The following GCFC2 variants were observed in gnomAD, a reference collection of about 807,000 sequenced individuals.
GCFC2 encodes intron Large complex component GCFC2.
Under a neutral mutation model 99.4 loss-of-function variants are expected in GCFC2, and 102 were observed. That is an observed-to-expected ratio of 1.03 (90% CI 0.87 to 1.21). The LOEUF (loss-of-function observed/expected upper bound fraction) is 1.21, where lower values mean the gene tolerates loss of function less well. Among genes scored for constraint, GCFC2 ranks in the 50% most tolerant of loss-of-function variants. The probability of loss-of-function intolerance (pLI) is 0.00; values close to 1 mark genes in which losing one functional copy is unlikely to be tolerated. For synonymous variants in GCFC2, 338 were observed against 316.8 expected, an observed-to-expected ratio of 1.07 and a Z score of -0.71; for missense variants, 973 against 920.9, an observed-to-expected ratio of 1.06 and a Z score of -0.73.
chr2:75,676,899 A>C lies in GCFC2; in HGVS notation c.1812+3294T>G, dbSNP rs546766416. Among the ~76,000 whole-genome samples the C allele has an allele frequency of 2.6e-5, 4 of 152,244 alleles. No homozygotes were observed. The South Asian group carries it at 8.3e-4, about 32-fold the overall frequency. ...CTTACAGAATTCCTAGCTTTTTGTC[A>C]CTGACACATTTCATTAGTATGTATT... On this transcript the variant is annotated intron_variant, in intron 12 of 16. Coordinates refer to ENST00000321027, the MANE Select transcript of GCFC2 (RefSeq NM_003203.5).
intron 11 of GCFC2, among the ~76,000 whole-genome samples, chr2:75,685,038 C>T (rs1679748678): frequency 6.6e-6 from 1 of 152,130 alleles, no homozygotes; most frequent in African/African-American, 2.4e-5. Flanking sequence ...GGGAGCGGAA[C>T]ATCACACACC....
At chr2:75,672,120 C>CCTG in intron 13 of GCFC2, 104 bp from the exon 14 acceptor site, 1 of 350,678 alleles carries the variant, frequency 2.9e-6, no homozygotes, top group Non-Finnish European at 5.5e-6. Context: ...CAAACTAAGC[C>CCTG]TTAATGGAAT....
In GCFC2 at chr2:75,664,667, C is replaced by T. The variant is rs149052101; in HGVS notation, c.2345G>A (p.Ter782=). The T allele has an allele frequency of 9.3e-6, 12 of 1,284,706 alleles. No individual in the cohort carries two copies. The African/African-American group carries it at 1.6e-4, about 17-fold the overall frequency. The allele number at this position is 1,284,706 out of a possible 1,614,324, so 79.6% of individuals were successfully genotyped here. A position where few individuals can be genotyped will look rare whatever the true frequency, so the allele number is the denominator to read the frequency against. ...TTAGCATTTTCCAATAAAGTTTATTCAATCTTCTTTAATTAGTGATTTAAG... is the reference window on the plus strand; with the variant it reads ...TTAGCATTTTCCAATAAAGTTTATTTAATCTTCTTTAATTAGTGATTTAAG... ...DHLKSLIKED[*] Residue 782 remains the stop codon, a stop_retained_variant, in exon 17 of 17, where the codon TGA becomes TAA. Transcript: ENST00000321027.
chr2:75,691,177 C>T (rs1177355124), intron 7 of GCFC2, among the ~76,000 whole-genome samples: 2 of 152,170 alleles, frequency 1.3e-5, no homozygotes, highest in African/African-American at 4.8e-5. Context: ...TCTATATACA[C>T]ACCTATGATA....
intron 11 of GCFC2, 145 bp from the exon 12 acceptor site, chr2:75,680,459 C>T: frequency 1.8e-6 from 1 of 559,822 alleles, no homozygotes; most frequent in South Asian, 2.9e-5. Context: ...TACATATTTG[C>T]ATACATCTTC....
chr2:75,687,319 G>A (rs1201956739), intron 11 of GCFC2, among the ~76,000 whole-genome samples: 1 of 152,114 alleles, frequency 6.6e-6, no homozygotes, highest in East Asian at 1.9e-4. Context: ...ATGGATGGAA[G>A]TGTGCTAAAA....
At chr2:75,687,493 G>T (rs995687903) in intron 11 of GCFC2, among the ~76,000 whole-genome samples, 1 of 152,094 alleles carries the variant, frequency 6.6e-6, no homozygotes, top group Non-Finnish European at 1.5e-5. Context: ...GCAAAGACCA[G>T]AGAGGTGGGC....
chr2:75,701,987 A>G (rs780766901), intron 3 of GCFC2: 9 of 1,329,764 alleles, frequency 6.8e-6, no homozygotes, highest in Non-Finnish European at 8.6e-6. Flanking sequence ...GAGGTCAGGC[A>G]TTAATAAACA....
At chr2:75,692,315 T>C (rs900654317) in intron 6 of GCFC2, among the ~76,000 whole-genome samples, 3 of 151,950 alleles carry the variant, frequency 2.0e-5, no homozygotes, top group African/African-American at 4.8e-5. Context: ...AATCAGAAAA[T>C]TGACTTAGTC....
At position 75,702,443 on chromosome 2, in the gene GCFC2, G is replaced by A. The variant is rs1410682366; in HGVS notation, c.395-20C>T. ...TCTTAACTGAAGGAAACAAAGACGA[G>A]GACACTAAAAACCAAAGACCAATGT... On this transcript the variant is annotated intron_variant, in intron 2 of 16. Transcript: ENST00000321027. 5 of 1,593,500 alleles carry A rather than the reference G, an allele frequency of 3.1e-6. No individual in the cohort carries two copies. The highest frequency in any genetic ancestry group is 1.1e-5 in the South Asian group (1 of 88,484).
chr2:75,689,293 C>A lies in GCFC2; in HGVS notation c.1340-68G>T. ...CTTTAAGTATGCTTCCTTAAAAACA[C>A]GGTCATGATGGACTGTAATCAATTG... On this transcript the variant is annotated intron_variant, in intron 9 of 16. Transcript: ENST00000321027. The A allele has an allele frequency of 1.6e-5, 13 of 814,504 alleles. No individual in the cohort carries two copies. The South Asian group carries it at 2.0e-4, about 13-fold the overall frequency. The allele number at this position is 814,504 out of a possible 1,614,324, so 50.5% of individuals were successfully genotyped here.
intron 11 of GCFC2, among the ~76,000 whole-genome samples, chr2:75,686,924 G>A (rs925014589): frequency 6.9e-6 from 1 of 144,244 alleles, no homozygotes; most frequent in Non-Finnish European, 1.5e-5. Flanking sequence ...GCAAATGTGA[G>A]TGAAATGAAG....
Position 75,694,440 on chromosome 2 carries a change from A to AATAAAAAT in GCFC2, c.834-21_834-14dup. ...TAGTAATGTTAATCTAAATAAATAA[A>AATAAAAAT]ATAAAAATTAGTTTATTTTTCATAC... On this transcript the variant is annotated splice_polypyrimidine_tract_variant and intron_variant, in intron 5 of 16. Coordinates refer to ENST00000321027, the MANE Select transcript of GCFC2 (RefSeq NM_003203.5). The AATAAAAAT allele has an allele frequency of 8.8e-7, 1 of 1,138,784 alleles. No homozygotes were observed. Among genetic ancestry groups the AATAAAAAT allele is most frequent in the Non-Finnish European group, 1.2e-6 (1 of 832,600 alleles). The allele number at this position is 1,138,784 out of a possible 1,614,324, so 70.5% of individuals were successfully genotyped here. A position where few individuals can be genotyped will look rare whatever the true frequency, so the allele number is the denominator to read the frequency against.
intron 1 of GCFC2, among the ~76,000 whole-genome samples, chr2:75,708,558 C>A (rs1267679576): frequency 2.4e-5 from 3 of 125,986 alleles, no homozygotes; most frequent in African/African-American, 3.0e-5. Context: ...GTCACCCAGG[C>A]TAGAGTGTAG....
Position 75,670,035 on chromosome 2 carries a change from T to C in GCFC2, c.2103+103A>G. ...CCACTGTGCCTGGCCCATTTGTCTA[T>C]ATATGAGTACCACACATTTAATTAT... On this transcript the variant is annotated intron_variant, in intron 15 of 16. Coordinates refer to ENST00000321027, the MANE Select transcript of GCFC2 (RefSeq NM_003203.5). The C allele has an allele frequency of 4.1e-6, 3 of 729,794 alleles. 1 individual carries two copies. Among genetic ancestry groups the C allele is most frequent in the Admixed American group, 4.9e-5 (2 of 40,740 alleles). 45.2% of individuals were successfully genotyped at this position (729,794 alleles called of 1,614,324 possible). A position where few individuals can be genotyped will look rare whatever the true frequency, so the allele number is the denominator to read the frequency against.
At position 75,701,173 on chromosome 2, in the gene GCFC2, G is replaced by A. The variant is rs553867960; in HGVS notation, c.717+17C>T. ...CAGCCACAGGAATCTAATACACATG[G>A]GATAAAAAATGATTACCTCTATGAT... On this transcript the variant is annotated intron_variant, in intron 4 of 16. Transcript: ENST00000321027. 69 of 1,273,964 alleles carry A rather than the reference G, an allele frequency of 5.4e-5. 1 individual carries two copies. In the South Asian group the frequency reaches 8.0e-4, roughly 15 times the overall value. 78.9% of individuals were successfully genotyped at this position (1,273,964 alleles called of 1,614,324 possible). A position where few individuals can be genotyped will look rare whatever the true frequency, so the allele number is the denominator to read the frequency against.
chr2:75,683,771 C>CAAAAAAAAAAAAAAAAAAAAAAGAAAAAA (rs749580096), intron 11 of GCFC2, among the ~76,000 whole-genome samples: 1 of 60,422 alleles, frequency 1.7e-5, no homozygotes, highest in African/African-American at 6.5e-5. Flanking sequence ...AAATGGAAAG[C>CAAAAAAAAAAAAAAAAAAAAAAGAAAAAA]AAAAAAAAAA....
intron 4 of GCFC2, among the ~76,000 whole-genome samples, chr2:75,699,464 T>C (rs1159239600): frequency 6.6e-6 from 1 of 152,236 alleles, no homozygotes; most frequent in Non-Finnish European, 1.5e-5. Flanking sequence ...TCACAGAACT[T>C]ATATTCTAGC....
Position 75,710,617 on chromosome 2 carries a change from G to T in GCFC2, c.239C>A (p.Ala80Glu). 1.3e-6 allele frequency: 2 copies of T among 1,514,594 alleles called. No individual in the cohort carries two copies. Among genetic ancestry groups the T allele is most frequent in the Middle Eastern group, 2.3e-4 (1 of 4,298 alleles). The allele number at this position is 1,514,594 out of a possible 1,614,324, so 93.8% of individuals were successfully genotyped here. ...TGAGCCTTCGTCCGCGCGGGGAGCC[G>T]CTTTGGTGGCACGCCGGGAGCTCGC... is the stretch of plus-strand genomic sequence containing the variant. Reference protein sequence around the residue: ...VWASSRRATKAAPRADEGSES... With the variant: ...VWASSRRATKEAPRADEGSES... Residue 80 changes from alanine to glutamate, a missense_variant, in exon 1 of 17, where the codon GCG (alanine) becomes GAG (glutamate). Coordinates refer to ENST00000321027, the MANE Select transcript of GCFC2 (RefSeq NM_003203.5).
Sources: gnomAD v4.1 joint callset for allele counts (sites outside exome capture counted in the v4.1 genomes callset) on GRCh38, gnomAD v4.1.1 for gene constraint, MANE v1.5 for transcripts, NCBI Gene and HGNC (gene_info 2026-07-23, HGNC 2026-07-21) for gene names.